The following PCNT variants were observed in gnomAD, a reference collection of about 807,000 sequenced individuals.
The protein encoded by PCNT is pericentrin.
Under a neutral mutation model 380.4 loss-of-function variants are expected in PCNT, and 319 were observed. The ratio of observed to expected loss-of-function variants is 0.84; its 90% CI spans 0.77 to 0.92. The LOEUF (loss-of-function observed/expected upper bound fraction) is 0.92, where lower values mean the gene tolerates loss of function less well. Among genes scored for constraint, PCNT ranks in the 40% least tolerant of loss-of-function variants. The probability of loss-of-function intolerance (pLI) is 0.00; values close to 1 mark genes in which losing one functional copy is unlikely to be tolerated. For synonymous variants in PCNT, 1,845 were observed against 1,735.2 expected (o/e 1.06, Z -1.57); for missense variants, 4,400 against 4,255.3 (o/e 1.03, Z -0.95).
intron 41 of PCNT, among the ~76,000 whole-genome samples, chr21:46,439,532 T>G (rs1278119547): frequency 1.9e-4 from 29 of 152,218 alleles, no homozygotes; most frequent in Non-Finnish European, 5.9e-5. Context: ...TAAGATCACT[T>G]GCAGCACCTC....
intron 5 of PCNT, 107 bp downstream of exon 5, chr21:46,347,105 C>T (rs2084097630): frequency 7.4e-7 from 1 of 1,346,772 alleles, no homozygotes; most frequent in Non-Finnish European, 1.0e-6. Context: ...CACCGTCTCC[C>T]CATCTCTGTT....
chr21:46,351,527 A>G lies in PCNT; in HGVS notation c.1443A>G (p.Arg481=), dbSNP rs1601808427. 2 of 1,596,106 alleles carry G rather than the reference A, an allele frequency of 1.3e-6. No homozygotes were observed. Among genetic ancestry groups the G allele is most frequent in the East Asian group, 4.5e-5 (2 of 44,810 alleles). The part of the protein sequence containing the change: ...WSQLDSARTS[R]QELSELHEQL... ...AGCTTGATTCTGCCAGGACCAGTAG[A>G]CAGGAATTGAGTGGTGAGGAATTGT... Residue 481 remains arginine (R), a synonymous_variant, in exon 9 of 47, where the codon AGA becomes AGG. Transcript: ENST00000359568.
Position 46,384,069 on chromosome 21 carries a change from C to T in PCNT, c.3313-1763C>T, listed in dbSNP as rs563027727. ...ATTCACAGTGCTGTGCATTCAGCAG[C>T]GGAAGCGCATTCACAGTGTTGTATA... is the stretch of plus-strand genomic sequence containing the variant. On this transcript the variant is annotated intron_variant, in intron 16 of 46. Coordinates refer to ENST00000359568, the MANE Select transcript of PCNT (RefSeq NM_006031.6). Among the ~76,000 whole-genome samples, 12 of 145,250 alleles carry T rather than the reference C, an allele frequency of 8.3e-5. 5 individuals are homozygous for T. The highest frequency in any genetic ancestry group is 2.8e-4 in the Admixed American group (4 of 14,468).
intron 25 of PCNT, among the ~76,000 whole-genome samples, chr21:46,400,876 C>G (rs914193947): frequency 6.6e-6 from 1 of 152,184 alleles, no homozygotes; most frequent in Admixed American, 6.5e-5. Context: ...GGCCTTTCCT[C>G]AGGCCCTGAC....
Position 46,411,675 on chromosome 21 carries a change from GCGA to G in PCNT, c.5606_5608del (p.Thr1869del). 1 of 1,613,012 alleles carries G rather than the reference GCGA, an allele frequency of 6.2e-7. No individual in the cohort carries two copies. The highest frequency in any genetic ancestry group is 2.2e-5 in the East Asian group (1 of 44,880). ...CGAAGCGGCCCTGAAAGCAAAGGAA[GCGA>G]CGATTGCCGAGAGAAATTTAGAAAT... is the stretch of plus-strand genomic sequence containing the variant. On this transcript the variant is annotated inframe_deletion, in exon 28 of 47. Coordinates refer to ENST00000359568, the MANE Select transcript of PCNT (RefSeq NM_006031.6).
At chr21:46,347,838 C>T (rs2084123532) in intron 6 of PCNT, among the ~76,000 whole-genome samples, 1 of 152,226 alleles carries the variant, frequency 6.6e-6, no homozygotes, top group Non-Finnish European at 1.5e-5. Flanking sequence ...TGGCAGTTCC[C>T]TGCAGTGCAT....
intron 27 of PCNT, among the ~76,000 whole-genome samples, chr21:46,410,637 G>A (rs1170610199): frequency 2.0e-5 from 3 of 152,180 alleles, no homozygotes; most frequent in Non-Finnish European, 4.4e-5. Context: ...ACATGGCTGA[G>A]GATTATGTTT....
At chr21:46,354,984 T>C (rs1433644877) in intron 11 of PCNT, among the ~76,000 whole-genome samples, 1 of 152,158 alleles carries the variant, frequency 6.6e-6, no homozygotes, top group Admixed American at 6.5e-5. Context: ...CACCAGGCAT[T>C]CGTGTATCAC....
intron 42 of PCNT, among the ~76,000 whole-genome samples, chr21:46,440,403 T>A (rs2053575380): frequency 6.6e-6 from 1 of 152,236 alleles, no homozygotes; most frequent in South Asian, 2.1e-4. Context: ...TTTCTGTGCT[T>A]GTTAAGCGTG....
chr21:46,347,077 G>A, intron 5 of PCNT, 79 bp downstream of exon 5: 1 of 1,522,882 alleles, frequency 6.6e-7, no homozygotes, highest in Middle Eastern at 2.4e-4. Flanking sequence ...CTTGGGGTTG[G>A]GAGCTGGGGC....
At chr21:46,350,404 C>T (rs753184893) in intron 8 of PCNT, among the ~76,000 whole-genome samples, 10 of 152,026 alleles carry the variant, frequency 6.6e-5, no homozygotes, top group Non-Finnish European at 1.3e-4. Context: ...ACACGAGATT[C>T]CTAGGAAAAG....
At position 46,391,189 on chromosome 21, in the gene PCNT, G is replaced by T; in HGVS notation, c.4029G>T (p.Glu1343Asp). Residue 1343 changes from glutamate (E) to aspartate (D), a missense_variant, in exon 21 of 47, where the codon GAG becomes GAT. Glu to Asp is a conservative substitution (Grantham distance 45). Coordinates refer to ENST00000359568, the MANE Select transcript of PCNT (RefSeq NM_006031.6). ...TQGTLEGFKV[E>D]TADLKEVLAG... The stretch of plus-strand genomic sequence containing the variant: ...GTACCCTTGAGGGATTCAAGGTGGA[G>T]ACAGCAGATCTGAAGGAGGTGCTGG... The T allele has an allele frequency of 1.2e-6, 2 of 1,606,534 alleles. No homozygotes were observed. Among genetic ancestry groups the T allele is most frequent in the South Asian group, 1.1e-5 (1 of 89,188 alleles).
At position 46,399,661 on chromosome 21, in the gene PCNT, G is replaced by A. The variant is rs542903507; in HGVS notation, c.4656G>A (p.Ser1552=). Residue 1552 remains serine, a synonymous_variant, in exon 25 of 47, where the codon TCG becomes TCA. Coordinates refer to ENST00000359568, the MANE Select transcript of PCNT (RefSeq NM_006031.6). The part of the protein sequence containing the change: ...EFNELAIQKE[S]ADRQVLMQEE... The stretch of plus-strand genomic sequence containing the variant: ...ATGAATTGGCTATACAGAAAGAGTC[G>A]GCAGATAGACAAGTGTTAATGCAGG... 7.4e-6 allele frequency: 12 copies of A among 1,613,568 alleles called. No individual in the cohort carries two copies. In the East Asian group the frequency reaches 8.9e-5, roughly 12 times the overall value.
At chr21:46,392,500 C>T (rs2086066903) in intron 21 of PCNT, among the ~76,000 whole-genome samples, 1 of 152,234 alleles carries the variant, frequency 6.6e-6, no homozygotes, top group Non-Finnish European at 1.5e-5. Flanking sequence ...GGATCGCAGG[C>T]GTGAGCCACC....
intron 11 of PCNT, among the ~76,000 whole-genome samples, chr21:46,354,269 C>A (rs189873960): frequency 1.3e-5 from 2 of 152,262 alleles, no homozygotes; most frequent in African/African-American, 2.4e-5. Flanking sequence ...AGGGGGTGGC[C>A]GGGGGAGCCG....
chr21:46,396,062 C>G (rs2086199801), intron 21 of PCNT, among the ~76,000 whole-genome samples: 2 of 152,204 alleles, frequency 1.3e-5, no homozygotes, highest in South Asian at 4.1e-4. Context: ...ATAGAGACTT[C>G]AGGATTCAGC....
chr21:46,430,211 A>G lies in PCNT; in HGVS notation c.7892A>G (p.Gln2631Arg). The G allele has an allele frequency of 6.2e-7, 1 of 1,613,686 alleles. No homozygotes were observed. ...EQLSRSLCEV[Q>R]QEVLQLRSML... ...CTGTCCCGGTCCCTCTGCGAGGTGC[A>G]GCAGGAGGTCCTCCAGCTGAGGTGC... The change falls in exon 36 of 47, where the codon CAG becomes CGG. Residue 2631 changes from glutamine to arginine, a missense_variant. Coordinates refer to ENST00000359568, the MANE Select transcript of PCNT (RefSeq NM_006031.6).
chr21:46,394,230 T>C (rs919892888), intron 21 of PCNT, among the ~76,000 whole-genome samples: 1 of 152,218 alleles, frequency 6.6e-6, no homozygotes, highest in African/African-American at 2.4e-5. Flanking sequence ...CCTCGCCGTG[T>C]TGCGTGACGC....
chr21:46,413,988 T>C (rs1270776276), intron 29 of PCNT, among the ~76,000 whole-genome samples: 8 of 127,966 alleles, frequency 6.3e-5, no homozygotes, highest in African/African-American at 2.3e-4. Context: ...TTTATTTTTT[T>C]TCTCTCTTTT....
Sources: gnomAD v4.1 joint callset for allele counts (sites outside exome capture counted in the v4.1 genomes callset) on GRCh38, gnomAD v4.1.1 for gene constraint, MANE v1.5 for transcripts, NCBI Gene and HGNC (gene_info 2026-07-23, HGNC 2026-07-21) for gene names.